The following BORCS5 variants were observed in gnomAD, a reference collection of about 807,000 sequenced individuals.
BORCS5 encodes BLOC-1 related complex subunit 5, also known as BLOC-1-related complex subunit 5.
A neutral mutation model predicts 22.1 loss-of-function variants in BORCS5; 17 were observed. That is an observed-to-expected ratio of 0.77 (90% CI 0.53 to 1.15). The LOEUF (loss-of-function observed/expected upper bound fraction) is 1.15. Ranked by LOEUF, BORCS5 falls within the 50% of genes most tolerant of loss-of-function variation. BORCS5 has a pLI of 0.00. For missense variants in BORCS5, 247 were observed against 253.2 expected, an observed-to-expected ratio of 0.98 and a Z score of 0.17; for synonymous variants, 117 against 99.8, an observed-to-expected ratio of 1.17 and a Z score of -1.03.
At chr12:12,411,256 A>C (rs1322188049) in intron 2 of BORCS5, among the ~76,000 whole-genome samples, 1 of 152,268 alleles carries the variant, frequency 6.6e-6, no homozygotes, top group East Asian at 1.9e-4. Context: ...AACTTCCAAC[A>C]CTATGTTGAA....
intron 2 of BORCS5, among the ~76,000 whole-genome samples, chr12:12,425,325 A>C (rs1942255761): frequency 1.3e-5 from 2 of 152,228 alleles, no homozygotes; most frequent in Non-Finnish European, 1.5e-5. Flanking sequence ...AGAGTGCACC[A>C]GTGCAATTAT....
intron 2 of BORCS5, among the ~76,000 whole-genome samples, chr12:12,384,984 G>A (rs764270136): frequency 6.6e-6 from 1 of 151,276 alleles, no homozygotes; most frequent in Non-Finnish European, 1.5e-5. Flanking sequence ...TGGGTTAATA[G>A]TCAGTTATTG....
At chr12:12,370,097 TATAC>T (rs998379280) in intron 2 of BORCS5, among the ~76,000 whole-genome samples, 1 of 117,882 alleles carries the variant, frequency 8.5e-6, no homozygotes, top group African/African-American at 3.1e-5. Flanking sequence ...ATAGTGGTTT[TATAC>T]ACACACACAC....
chr12:12,410,105 C>A (rs1435050028), intron 2 of BORCS5, among the ~76,000 whole-genome samples: 1 of 152,066 alleles, frequency 6.6e-6, no homozygotes, highest in Admixed American at 6.5e-5. Context: ...TGTTTGAGTT[C>A]ATTGTAGATT....
At chr12:12,464,544 C>T (rs1479936894) in intron 3 of BORCS5, among the ~76,000 whole-genome samples, 1 of 152,110 alleles carries the variant, frequency 6.6e-6, no homozygotes, top group Non-Finnish European at 1.5e-5. Flanking sequence ...GCCTGGGAAC[C>T]TTGGGATAGG....
intron 2 of BORCS5, among the ~76,000 whole-genome samples, chr12:12,429,908 G>A (rs902756169): frequency 6.6e-6 from 1 of 152,104 alleles, no homozygotes; most frequent in Non-Finnish European, 1.5e-5. Context: ...CTGAGACAAG[G>A]ACTCGCTCTT....
intron 3 of BORCS5, among the ~76,000 whole-genome samples, chr12:12,445,806 ATT>A (rs1174003674): frequency 3.1e-5 from 4 of 127,388 alleles, no homozygotes; most frequent in Admixed American, 7.9e-5. Context: ...GCTGACTTTA[ATT>A]TTTTTTTTTT....
intron 1 of BORCS5, among the ~76,000 whole-genome samples, 195 bp from the exon 2 acceptor site, chr12:12,361,011 G>T (rs1216022854): frequency 1.3e-5 from 2 of 152,138 alleles, no homozygotes; most frequent in African/African-American, 4.8e-5. Context: ...ATGAGCCACC[G>T]TGCCTGGCTC....
chr12:12,457,411 G>A (rs960626850), intron 3 of BORCS5, among the ~76,000 whole-genome samples: 1 of 152,118 alleles, frequency 6.6e-6, no homozygotes, highest in Non-Finnish European at 1.5e-5. Context: ...GGCTCACGCC[G>A]GTAATCCCAG....
intron 2 of BORCS5, among the ~76,000 whole-genome samples, chr12:12,362,650 T>TC (rs1194990211): frequency 1.4e-5 from 2 of 142,318 alleles, no homozygotes; most frequent in African/African-American, 5.1e-5. Context: ...TTTTTTTTTT[T>TC]TTTTTTTTTT....
chr12:12,465,629 A>G lies in BORCS5; in HGVS notation c.444A>G (p.Lys148=), dbSNP rs1943186896. Residue 148 remains lysine (K), a synonymous_variant, in exon 4 of 4, where the codon AAA becomes AAG. Transcript: ENST00000314565. ...CCAAGTATGCCGAGCAGATCCAGAAAGTGAACGAGATGTCCGCCATCCTCC... is the reference window on the plus strand; with the variant it reads ...CCAAGTATGCCGAGCAGATCCAGAAGGTGAACGAGATGTCCGCCATCCTCC... ...RYAKYAEQIQ[K]VNEMSAILRR... 6.2e-7 allele frequency: 1 copy of G among 1,614,144 alleles called. No individual in the cohort carries two copies. The highest frequency in any genetic ancestry group is 1.7e-5 in the Admixed American group (1 of 60,018).
At chr12:12,427,266 C>T (rs1158364870) in intron 2 of BORCS5, among the ~76,000 whole-genome samples, 1 of 147,354 alleles carries the variant, frequency 6.8e-6, no homozygotes, top group African/African-American at 2.6e-5. Flanking sequence ...CTGCAAGCTC[C>T]ACCTTCCAGG....
Position 12,466,264 on chromosome 12 carries a change from C to G in BORCS5, c.*488C>G, listed in dbSNP as rs757780636. On this transcript the variant is annotated 3_prime_UTR_variant, in exon 4 of 4. Coordinates refer to ENST00000314565, the MANE Select transcript of BORCS5 (RefSeq NM_058169.6). The stretch of plus-strand genomic sequence containing the variant: ...GTCTCTGTATTGTTCCTGTTTCTAC[C>G]CTGACTGTTTCCGTCACACCAAGCC... The G allele has an allele frequency of 1.3e-5, 2 of 152,534 alleles. No individual in the cohort carries two copies. The highest frequency in any genetic ancestry group is 2.9e-5 in the Non-Finnish European group (2 of 68,442). 9.4% of individuals were successfully genotyped at this position (152,534 alleles called of 1,614,324 possible). A position where few individuals can be genotyped will look rare whatever the true frequency, so the allele number is the denominator to read the frequency against.
At chr12:12,443,075 C>G (rs942174994) in intron 3 of BORCS5, among the ~76,000 whole-genome samples, 2 of 152,212 alleles carry the variant, frequency 1.3e-5, no homozygotes, top group African/African-American at 4.8e-5. Context: ...TGGTTAAAAG[C>G]CTGGTTAGCG....
intron 2 of BORCS5, among the ~76,000 whole-genome samples, chr12:12,427,329 C>A (rs997504688): frequency 6.6e-6 from 1 of 151,800 alleles, no homozygotes; most frequent in East Asian, 1.9e-4. Context: ...TACAGGCACC[C>A]GCCACCACGC....
intron 2 of BORCS5, among the ~76,000 whole-genome samples, chr12:12,428,953 A>G (rs533804820): frequency 2.0e-5 from 3 of 152,328 alleles, no homozygotes; most frequent in South Asian, 2.1e-4. Flanking sequence ...TTCATTCTCT[A>G]TTAATGGTAT....
chr12:12,452,056 G>A (rs1358896654), intron 3 of BORCS5: 35 of 410,320 alleles, frequency 8.5e-5, no homozygotes, highest in South Asian at 4.0e-4. Flanking sequence ...GTAAACTTAC[G>A]TGACTTTCCC....
rs527540929 is a variant in BORCS5 at position 12,470,220 on chromosome 12, G to A, written c.*4444G>A. Among the ~76,000 whole-genome samples, 3 of 152,248 alleles carry A rather than the reference G, an allele frequency of 2.0e-5. No individual in the cohort carries two copies. Among genetic ancestry groups the A allele is most frequent in the Non-Finnish European group, 2.9e-5 (2 of 67,990 alleles). ...CGAGTAGCTGGGACTACAGGTGCCC[G>A]CCACCACACCCGGCTAATTTTTTAT... On this transcript the variant is annotated 3_prime_UTR_variant, in exon 4 of 4. Transcript: ENST00000314565.
chr12:12,411,830 A>T (rs112922024), intron 2 of BORCS5, among the ~76,000 whole-genome samples: 3,944 of 152,260 alleles, frequency 0.026, 78 homozygotes, highest in African/African-American at 0.052. Flanking sequence ...TAAGGGTCCA[A>T]CCTCATTCTT....
Sources: allele counts gnomAD v4.1 joint callset (sites outside exome capture counted in the v4.1 genomes callset), GRCh38; gene constraint gnomAD v4.1.1; transcripts MANE v1.5; gene names NCBI Gene and HGNC (gene_info 2026-07-23, HGNC 2026-07-21).